Variants in VEPH1 observed in about 807,000 individuals in gnomAD.
VEPH1 encodes the protein ventricular zone expressed PH domain containing 1, also known as ventricular zone-expressed PH domain-containing protein homolog 1.
Under a neutral mutation model 85.2 loss-of-function variants are expected in VEPH1, and 80 were observed. The observed-to-expected ratio is 0.94, with a 90% CI of 0.78 to 1.13. The LOEUF (loss-of-function observed/expected upper bound fraction) is 1.13. VEPH1 is among the 50% of genes most tolerant of loss of function. VEPH1 has a pLI of 0.00. For synonymous variants in VEPH1, 297 were observed against 348.0 expected (o/e 0.85, Z 1.63); for missense variants, 955 against 980.5 (o/e 0.97, Z 0.35).
intron 6 of VEPH1, among the ~76,000 whole-genome samples, chr3:157,412,709 A>G (rs1322663005): frequency 1.3e-5 from 2 of 152,152 alleles, no homozygotes; most frequent in East Asian, 3.9e-4. Context: ...TACACCAGAG[A>G]AATCCCCTTT....
At chr3:157,450,602 C>G (rs1383172262) in intron 4 of VEPH1, among the ~76,000 whole-genome samples, 1 of 150,878 alleles carries the variant, frequency 6.6e-6, no homozygotes, top group Admixed American at 6.6e-5. Context: ...ATATAGTGCT[C>G]TATCATTATC....
At chr3:157,332,274 G>C (rs1048716687) in intron 9 of VEPH1, among the ~76,000 whole-genome samples, 2 of 152,186 alleles carry the variant, frequency 1.3e-5, no homozygotes, top group Admixed American at 6.5e-5. Context: ...CCATTTTAAA[G>C]TGTACAGTTC....
chr3:157,338,829 T>C (rs1723221672), intron 9 of VEPH1, among the ~76,000 whole-genome samples: 1 of 152,250 alleles, frequency 6.6e-6, no homozygotes. Context: ...GACATCTCTA[T>C]TAAGTCAGGT....
At chr3:157,466,359 C>T (rs888125423) in intron 3 of VEPH1, among the ~76,000 whole-genome samples, 2 of 152,086 alleles carry the variant, frequency 1.3e-5, no homozygotes, top group African/African-American at 2.4e-5. Flanking sequence ...AATAAAAGAT[C>T]CTCTTCATGT....
intron 11 of VEPH1, among the ~76,000 whole-genome samples, chr3:157,287,306 C>A (rs564258036): frequency 6.6e-6 from 1 of 151,892 alleles, no homozygotes; most frequent in Non-Finnish European, 1.5e-5. Context: ...GCCTGTGAGG[C>A]GGAGGTTGCA....
At chr3:157,349,997 C>G (rs559704378) in intron 9 of VEPH1, among the ~76,000 whole-genome samples, 6 of 152,064 alleles carry the variant, frequency 3.9e-5, no homozygotes, top group Non-Finnish European at 8.8e-5. Context: ...CTATGACATT[C>G]TTCACATAAA....
intron 12 of VEPH1, among the ~76,000 whole-genome samples, chr3:157,273,111 C>T (rs1035884048): frequency 1.3e-5 from 2 of 152,112 alleles, no homozygotes; most frequent in African/African-American, 4.8e-5. Context: ...TAAGATGCCC[C>T]CAGTGGTTTC....
Position 157,378,320 on chromosome 3 carries a change from A to G in VEPH1, c.1127+2836T>C, listed in dbSNP as rs1427053553. Reference sequence around the variant, plus strand: ...ATTTTTGAATGGTATATATATATATATATATATATATATATATATATATAT... The same window carrying G: ...ATTTTTGAATGGTATATATATATATGTATATATATATATATATATATATAT... On this transcript the variant is annotated intron_variant, in intron 7 of 13. Transcript: ENST00000362010. Among the ~76,000 whole-genome samples, 11 of 16,428 alleles carry G rather than the reference A, an allele frequency of 6.7e-4. No individual in the cohort carries two copies. The Admixed American group carries it at 8.1e-3, about 12-fold the overall frequency. The allele number at this position is 16,428 out of a possible 152,430, so 10.8% of individuals were successfully genotyped here.
At chr3:157,270,158 G>T (rs1023232152) in intron 12 of VEPH1, among the ~76,000 whole-genome samples, 1 of 152,060 alleles carries the variant, frequency 6.6e-6, no homozygotes, top group African/African-American at 2.4e-5. Flanking sequence ...TACTCACGGG[G>T]GTGAAGGGGT....
intron 3 of VEPH1, among the ~76,000 whole-genome samples, chr3:157,465,859 G>T (rs148166416): frequency 6.6e-6 from 1 of 152,300 alleles, no homozygotes. Context: ...AGCCTGCTTT[G>T]GTTATTTCCC....
At chr3:157,489,429 A>C (rs1577798750) in intron 2 of VEPH1, 1 of 257,560 alleles carries the variant, frequency 3.9e-6, no homozygotes, top group South Asian at 4.4e-5. Flanking sequence ...CAGCCTTAGG[A>C]CCTTTGTACT....
chr3:157,501,113 G>C (rs947266141), intron 1 of VEPH1, among the ~76,000 whole-genome samples: 2 of 152,110 alleles, frequency 1.3e-5, no homozygotes, highest in African/African-American at 4.8e-5. Context: ...TGACTGTACT[G>C]TTCACTAAAT....
intron 11 of VEPH1, among the ~76,000 whole-genome samples, chr3:157,309,731 A>G (rs1719889561): frequency 6.6e-6 from 1 of 151,936 alleles, no homozygotes; most frequent in Non-Finnish European, 1.5e-5. Flanking sequence ...TGAGATTGAT[A>G]TATAGTTTGC....
intron 9 of VEPH1, among the ~76,000 whole-genome samples, chr3:157,319,286 T>C (rs1322468868): frequency 2.0e-5 from 3 of 152,224 alleles, no homozygotes; most frequent in Non-Finnish European, 4.4e-5. Context: ...TCAGAAATCA[T>C]GTCTGTATTC....
intron 12 of VEPH1, among the ~76,000 whole-genome samples, chr3:157,266,481 A>G (rs947194992): frequency 1.3e-5 from 2 of 152,120 alleles, no homozygotes. Context: ...TCATTTGTAG[A>G]TAGATATTAG....
intron 4 of VEPH1, among the ~76,000 whole-genome samples, chr3:157,446,820 G>A (rs1397576681): frequency 6.6e-6 from 1 of 152,142 alleles, no homozygotes; most frequent in Non-Finnish European, 1.5e-5. Context: ...TAGCAGAAAA[G>A]TTTGCTGGGT....
At chr3:157,396,219 A>T (rs1207661351) in intron 6 of VEPH1, among the ~76,000 whole-genome samples, 4 of 152,174 alleles carry the variant, frequency 2.6e-5, no homozygotes, top group Non-Finnish European at 1.5e-5. Flanking sequence ...TTTGCTGAGG[A>T]TAATGACTTC....
At chr3:157,425,699 A>G (rs1385592144) in intron 5 of VEPH1, among the ~76,000 whole-genome samples, 4 of 152,202 alleles carry the variant, frequency 2.6e-5, no homozygotes, top group African/African-American at 9.6e-5. Flanking sequence ...CTTGTCTTAG[A>G]TAAGATTTTG....
At chr3:157,308,688 T>TC (rs1719782257) in intron 11 of VEPH1, among the ~76,000 whole-genome samples, 1 of 152,128 alleles carries the variant, frequency 6.6e-6, no homozygotes, top group African/African-American at 2.4e-5. Flanking sequence ...GGAACTCAGT[T>TC]AAAGTGCTAA....
Sources: gnomAD v4.1 joint callset for allele counts (sites outside exome capture counted in the v4.1 genomes callset) on GRCh38, gnomAD v4.1.1 for gene constraint, MANE v1.5 for transcripts, NCBI Gene and HGNC (gene_info 2026-07-23, HGNC 2026-07-21) for gene names.